The following KLF12 variants were observed in gnomAD, a reference collection of about 807,000 sequenced individuals.
KLF12 encodes the protein KLF transcription factor 12.
In KLF12, 9 loss-of-function variants were observed where a neutral mutation model predicts 37.8. The observed-to-expected ratio is 0.24, with a 90% CI of 0.14 to 0.42. The LOEUF (loss-of-function observed/expected upper bound fraction) is 0.42, where lower values mean the gene tolerates loss of function less well. Ranked by LOEUF, KLF12 falls within the 10% of genes least tolerant of loss-of-function variation. The probability of loss-of-function intolerance (pLI) is 1.00; values close to 1 mark genes in which losing one functional copy is unlikely to be tolerated. For synonymous variants in KLF12, 208 were observed against 202.1 expected (o/e 1.03, Z -0.25); for missense variants, 411 against 516.0 (o/e 0.80, Z 1.97).
intron 3 of KLF12, among the ~76,000 whole-genome samples, chr13:73,881,967 CAA>C (rs1887003680): frequency 6.6e-6 from 1 of 152,044 alleles, no homozygotes; most frequent in South Asian, 2.1e-4. Flanking sequence ...CCATACAACC[CAA>C]AATAAACAGC....
chr13:73,738,956 T>A (rs1241283162), intron 6 of KLF12, among the ~76,000 whole-genome samples: 4 of 152,110 alleles, frequency 2.6e-5, no homozygotes, highest in Admixed American at 1.3e-4. Context: ...CGTACTTGGC[T>A]GGGCGTAGTG....
chr13:73,858,760 A>G (rs561865229), intron 3 of KLF12, among the ~76,000 whole-genome samples: 3 of 152,316 alleles, frequency 2.0e-5, no homozygotes, highest in South Asian at 4.2e-4. Context: ...CATTTGGAAA[A>G]CATGAAAAGG....
intron 1 of KLF12, among the ~76,000 whole-genome samples, chr13:74,119,800 A>G (rs1010083029): frequency 2.6e-4 from 39 of 152,146 alleles, no homozygotes; most frequent in African/African-American, 9.4e-4. Flanking sequence ...CTGAAAAGGT[A>G]ATGGGTAGAA....
chr13:74,018,500 G>C (rs1033470691), intron 1 of KLF12, among the ~76,000 whole-genome samples: 4 of 152,156 alleles, frequency 2.6e-5, no homozygotes, highest in African/African-American at 9.7e-5. Context: ...TAATTAGCTA[G>C]ATTTAACCAT....
At chr13:74,180,168 G>A in the KLF12 span, among the ~76,000 whole-genome samples, 4 of 152,142 alleles carry the variant, frequency 2.6e-5, no homozygotes, top group African/African-American at 9.7e-5. Flanking sequence ...ATTCTAACTT[G>A]CAAATTAAAC....
At chr13:73,913,077 A>G (rs1888649641) in intron 3 of KLF12, among the ~76,000 whole-genome samples, 1 of 152,150 alleles carries the variant, frequency 6.6e-6, no homozygotes, top group Non-Finnish European at 1.5e-5. Flanking sequence ...TCCGACACGT[A>G]TCTGTCTTCC....
chr13:74,109,126 G>GA (rs534158298), intron 1 of KLF12, among the ~76,000 whole-genome samples: 1 of 151,902 alleles, frequency 6.6e-6, no homozygotes, highest in Non-Finnish European at 1.5e-5. Context: ...ACAAATATTT[G>GA]AAAAAAAGTT....
At chr13:74,141,644 T>A in the KLF12 span, among the ~76,000 whole-genome samples, 4 of 152,148 alleles carry the variant, frequency 2.6e-5, 1 homozygote, top group Non-Finnish European at 5.9e-5. Context: ...CTGCTCCCTT[T>A]CTTAAATACA....
At chr13:74,154,507 A>G in the KLF12 span, among the ~76,000 whole-genome samples, 1 of 152,202 alleles carries the variant, frequency 6.6e-6, no homozygotes, top group African/African-American at 2.4e-5. Flanking sequence ...CCAATATTAG[A>G]TCACCAGGGT....
chr13:74,187,121 T>C, the KLF12 span, among the ~76,000 whole-genome samples: 3 of 152,226 alleles, frequency 2.0e-5, no homozygotes, highest in African/African-American at 7.2e-5. Flanking sequence ...GTGGTTAAGA[T>C]TGCAGACAAC....
chr13:74,041,104 A>G (rs1456488991), intron 1 of KLF12, among the ~76,000 whole-genome samples: 1 of 152,160 alleles, frequency 6.6e-6, no homozygotes, highest in African/African-American at 2.4e-5. Context: ...TGACAACCAC[A>G]CTAGACTACT....
chr13:73,795,806 T>C (rs574005648), intron 5 of KLF12, among the ~76,000 whole-genome samples: 1 of 152,254 alleles, frequency 6.6e-6, no homozygotes, highest in Admixed American at 6.5e-5. Flanking sequence ...AACATAAACT[T>C]TGGGTTTACA....
At chr13:74,074,245 A>G (rs907193109) in intron 1 of KLF12, among the ~76,000 whole-genome samples, 5 of 152,158 alleles carry the variant, frequency 3.3e-5, no homozygotes, top group African/African-American at 1.2e-4. Flanking sequence ...AGTCAACTCT[A>G]AAACATCCAA....
chr13:74,138,545 A>G (rs1269069080), upstream of KLF12, among the ~76,000 whole-genome samples: 1 of 152,214 alleles, frequency 6.6e-6, no homozygotes, highest in Non-Finnish European at 1.5e-5. Flanking sequence ...TTGGGGGATG[A>G]GCTGTCTGCA....
intron 6 of KLF12, among the ~76,000 whole-genome samples, chr13:73,741,026 G>A (rs553645573): frequency 6.6e-6 from 1 of 152,212 alleles, no homozygotes; most frequent in Admixed American, 6.5e-5. Context: ...AAGTGCTAAC[G>A]GCATTTTCAC....
chr13:73,723,823 A>C (rs146884807), intron 6 of KLF12, among the ~76,000 whole-genome samples: 5,854 of 152,348 alleles, frequency 0.038, 157 homozygotes, highest in Non-Finnish European at 0.059. Flanking sequence ...CATTAGAGAA[A>C]TGCAAATCAA....
intron 6 of KLF12, among the ~76,000 whole-genome samples, chr13:73,741,004 GAC>G (rs1216887487): frequency 2.0e-5 from 3 of 152,166 alleles, no homozygotes; most frequent in African/African-American, 7.2e-5. Context: ...CACAAAATGA[GAC>G]ACAGTCTCAA....
the KLF12 span, among the ~76,000 whole-genome samples, chr13:74,236,789 G>T: frequency 1.7e-5 from 2 of 118,062 alleles, no homozygotes; most frequent in Non-Finnish European, 3.2e-5. Flanking sequence ...TTTTGATGGG[G>T]TTGTTTTTTT....
chr13:74,158,306 G>A, the KLF12 span, among the ~76,000 whole-genome samples: 1 of 152,200 alleles, frequency 6.6e-6, no homozygotes, highest in Admixed American at 6.5e-5. Flanking sequence ...GACTTAAAGG[G>A]GGGTGTAAGA....
Sources: allele counts gnomAD v4.1 joint callset (sites outside exome capture counted in the v4.1 genomes callset), GRCh38; gene constraint gnomAD v4.1.1; transcripts MANE v1.5; gene names NCBI Gene and HGNC (gene_info 2026-07-23, HGNC 2026-07-21).